Variants in INTS6L observed in about 807,000 individuals in gnomAD.
INTS6L encodes the protein integrator complex subunit 6 like.
A neutral mutation model predicts 64.7 loss-of-function variants in INTS6L; 18 were observed. The observed-to-expected ratio is 0.28, with a 90% CI of 0.19 to 0.41. The LOEUF (loss-of-function observed/expected upper bound fraction) is 0.41, where lower values mean the gene tolerates loss of function less well. INTS6L is among the 10% of genes least tolerant of loss of function. The probability of loss-of-function intolerance (pLI) is 1.00; values close to 1 mark genes in which losing one functional copy is unlikely to be tolerated. For missense variants in INTS6L, 533 were observed against 661.0 expected (o/e 0.81, Z 2.12); for synonymous variants, 227 against 235.9 (o/e 0.96, Z 0.34).
chrX:135,521,906 T>G (rs2085584870), intron 2 of INTS6L, among the ~76,000 whole-genome samples: 1 of 107,881 alleles, frequency 9.3e-6, no homozygotes, highest in African/African-American at 3.4e-5. Flanking sequence ...CATCTCCTCC[T>G]TCTCCCCCTC....
In INTS6L at chrX:135,573,988, G is replaced by A. The variant is rs1556529330; in HGVS notation, c.1667G>A (p.Gly556Asp). The change falls in exon 13 of 18, where the codon GGT becomes GAT. Residue 556 changes from glycine (G) to aspartate (D), a missense_variant. Coordinates refer to ENST00000639893, the MANE Select transcript of INTS6L (RefSeq NM_001351601.3). ...YRNAYDIPRR[G>D]LLDQLTRMRS... ...AATGCTTATGATATTCCCCGTAGAG[G>A]TCTTTTAGACCAGCTGACCAGAATG... 8.3e-7 allele frequency: 1 copy of A among 1,205,783 alleles called. No individual in the cohort carries two copies. Among genetic ancestry groups the A allele is most frequent in the African/African-American group, 1.7e-5 (1 of 57,441 alleles).
intron 11 of INTS6L, chrX:135,570,751 A>G: frequency 7.0e-6 from 3 of 425,622 alleles, no homozygotes; most frequent in South Asian, 5.2e-5. Flanking sequence ...ATGCTGTGCC[A>G]TTTCTCCTTT....
rs371386844 is a variant in INTS6L, at chrX:135,572,902, G to A, written c.1486G>A (p.Gly496Ser). 17 of 1,209,725 alleles carry A rather than the reference G, an allele frequency of 1.4e-5. No homozygotes were observed. The highest frequency in any genetic ancestry group is 1.9e-5 in the Non-Finnish European group (17 of 895,024). The change falls in exon 12 of 18, where the codon GGT becomes AGT. Residue 496 changes from glycine (G) to serine (S), a missense_variant. By Grantham distance (56) the Gly-to-Ser change is moderately conservative. Transcript: ENST00000639893. The stretch of plus-strand genomic sequence containing the variant: ...AATTAAAGTGAAAAATCATTCTGGA[G>A]GTGGCATGTCCTTGACTCACAATAA... ...IGIKVKNHSG[G>S]GMSLTHNKNF...
chrX:135,524,223 AT>A (rs781999324), intron 2 of INTS6L, among the ~76,000 whole-genome samples: 1,450 of 110,240 alleles, frequency 0.013, 22 homozygotes, highest in African/African-American at 0.046. Flanking sequence ...ACATCTGGTG[AT>A]TTTTTTTTCT....
intron 2 of INTS6L, among the ~76,000 whole-genome samples, chrX:135,534,648 T>G: frequency 9.2e-6 from 1 of 108,651 alleles, no homozygotes; most frequent in Admixed American, 9.9e-5. Context: ...GTAACTTTTA[T>G]AAAACTGAAT....
rs2086782569 is a variant in INTS6L, at chrX:135,561,210, T to C, written c.1192+4910T>C. 2.7e-5 allele frequency among the ~76,000 whole-genome samples: 3 copies of C among 111,099 alleles called. No individual in the cohort carries two copies. The Admixed American group carries it at 2.9e-4, about 11-fold the overall frequency. ...TCAGGTGATCCATTCGCCTCGGCCT[T>C]CCAAAGTGCTGGGATTATAGGCACA... On this transcript the variant is annotated intron_variant, in intron 9 of 17. Coordinates refer to ENST00000639893, the MANE Select transcript of INTS6L (RefSeq NM_001351601.3).
chrX:135,542,353 C>G (rs1368194755), intron 2 of INTS6L, among the ~76,000 whole-genome samples: 1 of 110,187 alleles, frequency 9.1e-6, no homozygotes, highest in East Asian at 2.8e-4. Context: ...AAAAAATTAG[C>G]CAGGCATGGT....
At chrX:135,546,514 C>T in intron 4 of INTS6L, 45 bp downstream of exon 4, 1 of 1,036,637 alleles carries the variant, frequency 9.6e-7, no homozygotes, top group Admixed American at 3.2e-5. Flanking sequence ...TGGCAGGGAA[C>T]ATGCAGCTAT....
At chrX:135,575,797 T>TGC (rs1556530533) in intron 14 of INTS6L, among the ~76,000 whole-genome samples, 1 of 108,885 alleles carries the variant, frequency 9.2e-6, no homozygotes, top group Non-Finnish European at 1.9e-5. Flanking sequence ...TGTGTGTGTG[T>TGC]GTGTGTGTGT....
At chrX:135,581,410 G>A (rs2087367518) in intron 17 of INTS6L, 118 bp from the exon 18 acceptor site, 1 of 570,814 alleles carries the variant, frequency 1.8e-6, no homozygotes, top group Admixed American at 3.9e-5. Context: ...CTTTCCATGA[G>A]GACAATCTTT....
At position 135,582,102 on chromosome X, in the gene INTS6L, C is replaced by G. The variant is rs1169085441; in HGVS notation, c.*466C>G. On this transcript the variant is annotated 3_prime_UTR_variant, in exon 18 of 18. Coordinates refer to ENST00000639893, the MANE Select transcript of INTS6L (RefSeq NM_001351601.3). ...AAGTTTTCAACAATTCCTAGTTGTG[C>G]CTTTTAAACCATGCAATATTCAGGA... is the stretch of plus-strand genomic sequence containing the variant. 2 of 118,488 alleles carry G rather than the reference C, an allele frequency of 1.7e-5. No homozygotes were observed. The highest frequency in any genetic ancestry group is 3.5e-5 in the Non-Finnish European group (2 of 57,948). The allele number at this position is 118,488 out of a possible 1,213,427, so 9.8% of individuals were successfully genotyped here.
intron 2 of INTS6L, among the ~76,000 whole-genome samples, chrX:135,542,494 T>C (rs1243303440): frequency 1.0e-5 from 1 of 96,850 alleles, no homozygotes; most frequent in Non-Finnish European, 2.0e-5. Context: ...TGAGACTCCA[T>C]CTCAAAAAAA....
chrX:135,574,204 C>A, intron 13 of INTS6L, 142 bp downstream of exon 13: 1 of 683,691 alleles, frequency 1.5e-6, no homozygotes, highest in Non-Finnish European at 2.0e-6. Context: ...ATCCCTATGT[C>A]TGTTTACCAG....
chrX:135,524,889 G>A (rs2085689291), intron 2 of INTS6L, among the ~76,000 whole-genome samples: 2 of 112,344 alleles, frequency 1.8e-5, no homozygotes, highest in Admixed American at 9.4e-5. Context: ...TTTGACTTAA[G>A]TACCACATAA....
rs1455280885 is a variant in INTS6L, at chrX:135,582,510, A to C, written c.*874A>C. ...TCATTTTATTGATTTTCACAAGTTC[A>C]TTAATGCTGGATAAATTTCTACTTA... On this transcript the variant is annotated 3_prime_UTR_variant, in exon 18 of 18. Transcript: ENST00000639893. 2 of 112,353 alleles carry C rather than the reference A, an allele frequency of 1.8e-5. No homozygotes were observed. Among genetic ancestry groups the C allele is most frequent in the Non-Finnish European group, 3.8e-5 (2 of 53,318 alleles). 9.3% of individuals were successfully genotyped at this position (112,353 alleles called of 1,213,427 possible). A position where few individuals can be genotyped will look rare whatever the true frequency, so the allele number is the denominator to read the frequency against.
chrX:135,561,961 A>G (rs1018527205), intron 9 of INTS6L, among the ~76,000 whole-genome samples: 2 of 111,396 alleles, frequency 1.8e-5, no homozygotes, highest in African/African-American at 6.5e-5. Context: ...TGTCACTTTT[A>G]TTAATCTCAT....
At chrX:135,578,824 A>G (rs1201515342) in intron 15 of INTS6L, among the ~76,000 whole-genome samples, 1 of 111,316 alleles carries the variant, frequency 9.0e-6, no homozygotes, top group African/African-American at 3.3e-5. Flanking sequence ...TCTAGCCCCC[A>G]TCTATCACAT....
intron 2 of INTS6L, among the ~76,000 whole-genome samples, chrX:135,521,731 C>G (rs1418834182): frequency 8.0e-5 from 6 of 74,864 alleles, no homozygotes; most frequent in Non-Finnish European, 1.3e-4. Context: ...CCCGCCCCTT[C>G]GAGGCGCACC....
chrX:135,574,077 A>C lies in INTS6L; in HGVS notation c.1741+15A>C. 1 of 1,176,286 alleles carries C rather than the reference A, an allele frequency of 8.5e-7. No homozygotes were observed. The highest frequency in any genetic ancestry group is 1.1e-6 in the Non-Finnish European group (1 of 882,587). On this transcript the variant is annotated intron_variant, in intron 13 of 17. Transcript: ENST00000639893. The stretch of plus-strand genomic sequence containing the variant: ...ACAAGATGAAGGTAAAATAACTGTG[A>C]AATACTTTTTTTTTTTTTTTGGAAA...
Sources: gnomAD v4.1 joint callset for allele counts (sites outside exome capture counted in the v4.1 genomes callset) on GRCh38, gnomAD v4.1.1 for gene constraint, MANE v1.5 for transcripts, NCBI Gene and HGNC (gene_info 2026-07-23, HGNC 2026-07-21) for gene names.